Variants in ADRA1B observed in about 807,000 individuals in gnomAD.
ADRA1B encodes alpha-1B adrenergic receptor.
Under a neutral mutation model 17.9 loss-of-function variants are expected in ADRA1B, and 17 were observed. The ratio of observed to expected loss-of-function variants is 0.95; its 90% CI spans 0.65 to 1.42. The LOEUF is 1.42. Ranked by LOEUF, ADRA1B falls within the 40% of genes most tolerant of loss-of-function variation. The probability of loss-of-function intolerance (pLI) is 0.00; values close to 1 mark genes in which losing one functional copy is unlikely to be tolerated. For synonymous variants in ADRA1B, 366 were observed against 327.6 expected (o/e 1.12, Z -1.27); for missense variants, 681 against 722.1 (o/e 0.94, Z 0.65).
intron 1 of ADRA1B, among the ~76,000 whole-genome samples, chr5:159,898,761 AG>A (rs988640114): frequency 5.3e-5 from 8 of 152,224 alleles, no homozygotes; most frequent in Non-Finnish European, 1.2e-4. Context: ...GAGACTTGGA[AG>A]GGGGATCCTT....
chr5:159,978,851 C>G, the ADRA1B span, among the ~76,000 whole-genome samples: 1 of 152,354 alleles, frequency 6.6e-6, no homozygotes. Context: ...CCTCACCAAA[C>G]AGCACCTGAA....
In ADRA1B at chr5:159,917,860, T is replaced by G. The variant is rs569874100; in HGVS notation, c.949+6T>G. 1.9e-6 allele frequency: 3 copies of G among 1,589,204 alleles called. No homozygotes were observed. Among genetic ancestry groups the G allele is most frequent in the South Asian group, 1.2e-5 (1 of 86,500 alleles). On this transcript the variant is annotated splice_donor_region_variant and intron_variant, in intron 1 of 1. Coordinates refer to ENST00000306675, the MANE Select transcript of ADRA1B (RefSeq NM_000679.4). Reference sequence around the variant, plus strand: ...CTTCATCGCTCTACCGCTTGGTAAGTTGGGGACTAGCAGCAGGGGGACTGG... The same window carrying G: ...CTTCATCGCTCTACCGCTTGGTAAGGTGGGGACTAGCAGCAGGGGGACTGG...
At chr5:159,911,659 G>C (rs182803749), upstream of ADRA1B, among the ~76,000 whole-genome samples, 9 of 152,292 alleles carry the variant, frequency 5.9e-5, 1 homozygote, top group Admixed American at 3.9e-4. Flanking sequence ...AGAGAAAACA[G>C]TCCTACCCAG....
At chr5:159,866,594 G>GA (rs59632607) in intron 1 of ADRA1B, among the ~76,000 whole-genome samples, 31,496 of 139,114 alleles carry the variant, frequency 0.23, 4,524 homozygotes, top group East Asian at 0.49. Flanking sequence ...CTCAAAAAAG[G>GA]AAAAAAAAAA....
At chr5:159,979,433 C>T in the ADRA1B span, among the ~76,000 whole-genome samples, 2 of 152,188 alleles carry the variant, frequency 1.3e-5, no homozygotes, top group South Asian at 2.1e-4. Flanking sequence ...GTACCTGGCA[C>T]ATGGTACTTG....
At chr5:159,892,662 T>C (rs1753997707) in intron 1 of ADRA1B, among the ~76,000 whole-genome samples, 1 of 152,224 alleles carries the variant, frequency 6.6e-6, no homozygotes, top group African/African-American at 2.4e-5. Flanking sequence ...AAAGACATGA[T>C]CTCACTCCCT....
At chr5:159,976,109 C>A (rs1755970651), downstream of ADRA1B, among the ~76,000 whole-genome samples, 1 of 152,198 alleles carries the variant, frequency 6.6e-6, no homozygotes, top group African/African-American at 2.4e-5. Context: ...CTAATTACTT[C>A]ATAGGGACAT....
chr5:159,892,759 C>T (rs1475186436), intron 1 of ADRA1B, among the ~76,000 whole-genome samples: 2 of 152,162 alleles, frequency 1.3e-5, no homozygotes, highest in Admixed American at 6.5e-5. Context: ...GTTGGTTCCA[C>T]ATCTTTGCTA....
At chr5:159,989,120 C>T in the ADRA1B span, among the ~76,000 whole-genome samples, 26 of 152,340 alleles carry the variant, frequency 1.7e-4, no homozygotes, top group African/African-American at 6.3e-4. Flanking sequence ...TTCCAATTTT[C>T]ACCACCTCTT....
chr5:159,913,124 T>C (rs1241174419), upstream of ADRA1B, among the ~76,000 whole-genome samples: 1 of 152,208 alleles, frequency 6.6e-6, no homozygotes, highest in African/African-American at 2.4e-5. Context: ...CAGCTTCCCC[T>C]GGAGGGTTCG....
At chr5:159,981,951 C>A in the ADRA1B span, among the ~76,000 whole-genome samples, 560 of 152,228 alleles carry the variant, frequency 3.7e-3, no homozygotes, top group Non-Finnish European at 6.9e-3. Flanking sequence ...GCCTAATCAC[C>A]CATGCCTTGC....
chr5:159,951,250 T>C (rs1348286428), intron 1 of ADRA1B: 24 of 972,776 alleles, frequency 2.5e-5, no homozygotes, highest in Non-Finnish European at 3.9e-5. Flanking sequence ...CATTTGATTT[T>C]GGAGGGATCT....
At position 159,917,049 on chromosome 5, in the gene ADRA1B, G is replaced by C. The variant is rs1429017796; in HGVS notation, c.144G>C (p.Val48=). The C allele has an allele frequency of 2.5e-6, 4 of 1,614,058 alleles. No homozygotes were observed. The Admixed American group carries it at 6.7e-5, about 27-fold the overall frequency. ...PQLDITRAIS[V]GLVLGAFILF... ...TGGACATCACCAGGGCCATCTCTGT[G>C]GGCCTGGTGCTGGGCGCCTTCATCC... The change falls in exon 1 of 2, where the codon GTG becomes GTC. Residue 48 remains valine (V), a synonymous_variant. Transcript: ENST00000306675.
At chr5:159,906,459 T>C (rs1236963371) in intron 1 of ADRA1B, among the ~76,000 whole-genome samples, 1 of 152,230 alleles carries the variant, frequency 6.6e-6, no homozygotes, top group African/African-American at 2.4e-5. Context: ...AAATGTAGTC[T>C]TCTGCAATCA....
Position 159,917,819 on chromosome 5 carries a change from T to G in ADRA1B, c.914T>G (p.Leu305Trp), listed in dbSNP as rs1285124145. The G allele has an allele frequency of 5.0e-6, 8 of 1,612,304 alleles. No homozygotes were observed. Among genetic ancestry groups the G allele is most frequent in the Non-Finnish European group, 5.1e-6 (6 of 1,179,536 alleles). The change falls in exon 1 of 2, where the codon TTG (leucine) becomes TGG (tryptophan). Residue 305 changes from leucine to tryptophan, a missense_variant. By Grantham distance (61) the Leu-to-Trp change is moderately conservative (BLOSUM62 -2). Around this residue, in one of 3 missense-constraint regions of ADRA1B, gnomAD observed 424 missense variants for 480.2 expected, o/e 0.88. Coordinates refer to ENST00000306675, the MANE Select transcript of ADRA1B (RefSeq NM_000679.4). The part of the protein sequence containing the change: ...TLGIVVGMFI[L>W]CWLPFFIALP... ...GGCATTGTGGTCGGTATGTTCATCT[T>G]GTGCTGGCTACCCTTCTTCATCGCT...
intron 1 of ADRA1B, among the ~76,000 whole-genome samples, chr5:159,965,588 G>C (rs957824674): frequency 6.6e-6 from 1 of 152,222 alleles, no homozygotes; most frequent in African/African-American, 2.4e-5. Context: ...CTTAACGACA[G>C]CTTCTTGGTT....
chr5:159,948,365 A>C (rs1211891226), intron 1 of ADRA1B: 7 of 985,356 alleles, frequency 7.1e-6, no homozygotes, highest in Non-Finnish European at 8.4e-6. Context: ...AAGAAAATAT[A>C]ACTCTCATTT....
At chr5:159,957,786 A>G (rs1356662910) in intron 1 of ADRA1B, among the ~76,000 whole-genome samples, 1 of 151,806 alleles carries the variant, frequency 6.6e-6, no homozygotes, top group East Asian at 2.0e-4. Flanking sequence ...AAATACAAAA[A>G]ATTAGCTGGG....
At chr5:159,957,087 G>A (rs758167460) in intron 1 of ADRA1B, among the ~76,000 whole-genome samples, 28 of 152,050 alleles carry the variant, frequency 1.8e-4, no homozygotes, top group Non-Finnish European at 3.1e-4. Flanking sequence ...GGCCAGGCTG[G>A]ACTCGAACTC....
Sources: allele counts gnomAD v4.1 joint callset (sites outside exome capture counted in the v4.1 genomes callset), GRCh38; gene constraint gnomAD v4.1.1; regional missense constraint gnomAD v4.1.1; transcripts MANE v1.5; gene names NCBI Gene and HGNC (gene_info 2026-07-23, HGNC 2026-07-21).